STK3: variants seen among roughly 807,000 people sequenced by gnomAD.
The protein encoded by STK3 is serine/threonine kinase 3, also known as serine/threonine-protein kinase 3.
In STK3, 41 loss-of-function variants were observed where a neutral mutation model predicts 58.0. The observed-to-expected ratio is 0.71, with a 90% CI of 0.55 to 0.92. STK3 has a LOEUF of 0.92. Among genes scored for constraint, STK3 ranks in the 40% least tolerant of loss-of-function variants. The pLI, the probability that STK3 is intolerant of heterozygous loss-of-function variation, is 0.00. For missense variants in STK3, 479 were observed against 602.7 expected (o/e 0.79, Z 2.15); for synonymous variants, 170 against 191.0 (o/e 0.89, Z 0.91).
At chr8:98,767,865 A>T (rs1043435781) in intron 2 of STK3, among the ~76,000 whole-genome samples, 4 of 152,234 alleles carry the variant, frequency 2.6e-5, no homozygotes, top group Non-Finnish European at 4.4e-5. Flanking sequence ...ATCTGCAGCC[A>T]TCTGCTTCTA....
downstream of STK3, chr8:98,401,309 G>T (rs1225513827): frequency 6.6e-6 from 1 of 152,240 alleles, no homozygotes; most frequent in Non-Finnish European, 1.5e-5. Context: ...AACTGCAGGA[G>T]AGACCCCATG....
chr8:98,745,678 T>C lies in STK3; in HGVS notation c.351+3598A>G, dbSNP rs73699922. 8.7e-3 allele frequency among the ~76,000 whole-genome samples: 1,317 copies of C among 152,216 alleles called. 14 individuals carry two copies. The highest frequency in any genetic ancestry group is 0.03 in the African/African-American group (1,233 of 41,520). ...GAGGCTAATAAGCAGAGCAGACCTT[T>C]TGACTGACTTACAAGATGAGAAGGT... is the stretch of plus-strand genomic sequence containing the variant. On this transcript the variant is annotated intron_variant, in intron 4 of 10. Transcript: ENST00000419617.
At chr8:98,556,645 C>T (rs1811610381) in intron 8 of STK3, among the ~76,000 whole-genome samples, 1 of 151,834 alleles carries the variant, frequency 6.6e-6, no homozygotes, top group Non-Finnish European at 1.5e-5. Flanking sequence ...CACTGGGAGC[C>T]CAGCATAAGT....
the STK3 span, among the ~76,000 whole-genome samples, chr8:98,353,125 T>C: frequency 6.6e-6 from 1 of 152,212 alleles, no homozygotes; most frequent in Non-Finnish European, 1.5e-5. Context: ...GTTTCATGCA[T>C]AAAATTATTT....
At chr8:98,362,408 G>T in the STK3 span, among the ~76,000 whole-genome samples, 2 of 152,142 alleles carry the variant, frequency 1.3e-5, no homozygotes, top group Non-Finnish European at 2.9e-5. Context: ...CCCTTTACAG[G>T]TTGAGCTGGG....
At chr8:98,495,852 A>G (rs1823096341) in intron 10 of STK3, among the ~76,000 whole-genome samples, 2 of 152,196 alleles carry the variant, frequency 1.3e-5, no homozygotes, top group South Asian at 2.1e-4. Context: ...ATACTACACA[A>G]TAATTTTTAA....
chr8:98,587,584 G>A (rs1305377235), intron 7 of STK3, among the ~76,000 whole-genome samples: 2 of 152,112 alleles, frequency 1.3e-5, no homozygotes, highest in African/African-American at 4.8e-5. Flanking sequence ...GTTGATTTGG[G>A]ATGGAGAGTT....
downstream of STK3, chr8:98,882,908 A>G (rs907192768): frequency 2.6e-5 from 4 of 152,198 alleles, no homozygotes; most frequent in Admixed American, 2.6e-4. Flanking sequence ...TCTCAGAAAT[A>G]AGGTTTTCTA....
chr8:98,727,396 G>A (rs879787758), intron 4 of STK3, among the ~76,000 whole-genome samples: 1 of 152,176 alleles, frequency 6.6e-6, no homozygotes, highest in Non-Finnish European at 1.5e-5. Flanking sequence ...CCTGAATCAA[G>A]CCATGCACAA....
intron 6 of STK3, among the ~76,000 whole-genome samples, chr8:98,612,525 T>A (rs1485555298): frequency 4.0e-5 from 6 of 151,296 alleles, no homozygotes; most frequent in Non-Finnish European, 8.8e-5. Flanking sequence ...GCAGAACAGC[T>A]AGGGATCTTG....
At chr8:98,853,021 C>T (rs1351314617) in intron 3 of STK3, among the ~76,000 whole-genome samples, 1 of 151,776 alleles carries the variant, frequency 6.6e-6, no homozygotes, top group East Asian at 1.9e-4. Context: ...TTTCTTCTTT[C>T]TGGGACATAT....
chr8:98,722,794 C>T lies in STK3; in HGVS notation c.352-15483G>A, dbSNP rs138947580. ...TGAGGCTGGATAGGTCCATACCCAA[C>T]TATTTCAAAATGGTCAGATTTATAC... On this transcript the variant is annotated intron_variant, in intron 4 of 10. Coordinates refer to ENST00000419617, the MANE Select transcript of STK3 (RefSeq NM_006281.4). 1.3e-3 allele frequency: 501 copies of T among 390,950 alleles called. 2 individuals carry two copies. Among genetic ancestry groups the T allele is most frequent in the African/African-American group, 0.01 (474 of 46,506 alleles). The allele number at this position is 390,950 out of a possible 1,614,324, so 24.2% of individuals were successfully genotyped here.
chr8:98,550,439 A>G (rs749046212), intron 8 of STK3, among the ~76,000 whole-genome samples: 3 of 152,080 alleles, frequency 2.0e-5, no homozygotes, highest in Non-Finnish European at 4.4e-5. Flanking sequence ...ATATTATTTC[A>G]TTTATCTCTC....
At chr8:98,664,573 T>G (rs982617442) in intron 6 of STK3, among the ~76,000 whole-genome samples, 1 of 152,222 alleles carries the variant, frequency 6.6e-6, no homozygotes, top group Non-Finnish European at 1.5e-5. Context: ...TCTTGACTCT[T>G]TAGCCCAACT....
chr8:98,523,753 G>A (rs960608939), intron 10 of STK3, among the ~76,000 whole-genome samples: 4 of 151,878 alleles, frequency 2.6e-5, no homozygotes, highest in African/African-American at 9.7e-5. Flanking sequence ...TATACATTAT[G>A]AATATTAACC....
At chr8:98,707,404 G>C in intron 4 of STK3, 93 bp from the exon 5 acceptor site, 1 of 953,928 alleles carries the variant, frequency 1.0e-6, no homozygotes, top group Non-Finnish European at 1.5e-6. Flanking sequence ...CTTTCCGTGT[G>C]TGTGTGTGTG....
At chr8:98,816,137 C>G (rs557519474) in intron 1 of STK3, among the ~76,000 whole-genome samples, 2 of 152,298 alleles carry the variant, frequency 1.3e-5, no homozygotes, top group Non-Finnish European at 1.5e-5. Context: ...CTCTGGGAAA[C>G]TAGTACAAAC....
intron 3 of STK3, among the ~76,000 whole-genome samples, chr8:98,834,797 T>C (rs573794836): frequency 6.6e-6 from 1 of 152,310 alleles, no homozygotes; most frequent in South Asian, 2.1e-4. Context: ...ACACCGTAAT[T>C]CATAAACTAT....
upstream of STK3, chr8:98,391,508 C>T (rs556170995): frequency 6.6e-6 from 1 of 152,438 alleles, no homozygotes; most frequent in East Asian, 1.9e-4. Context: ...CCTTGGGGCT[C>T]CCCTTTGCAG....
Sources: gnomAD v4.1 joint callset for allele counts (sites outside exome capture counted in the v4.1 genomes callset) on GRCh38, gnomAD v4.1.1 for gene constraint, MANE v1.5 for transcripts, NCBI Gene and HGNC (gene_info 2026-07-23, HGNC 2026-07-21) for gene names.